Variants in ERBB4 observed in about 807,000 individuals in gnomAD.
ERBB4 encodes receptor tyrosine-protein kinase erbB-4.
A neutral mutation model predicts 158.0 loss-of-function variants in ERBB4; 42 were observed. The ratio of observed to expected loss-of-function variants is 0.27; its 90% CI spans 0.21 to 0.34. The LOEUF is 0.34. Ranked by LOEUF, ERBB4 falls within the 10% of genes least tolerant of loss-of-function variation. The pLI is 1.00. For missense variants in ERBB4, 1,333 were observed against 1,624.1 expected (o/e 0.82, Z 3.08); for synonymous variants, 583 against 558.7 (o/e 1.04, Z -0.61).
intron 1 of ERBB4, among the ~76,000 whole-genome samples, chr2:212,184,014 A>G (rs916746931): frequency 6.6e-6 from 1 of 152,150 alleles, no homozygotes; most frequent in African/African-American, 2.4e-5. Flanking sequence ...TCATTAAATC[A>G]TATTTATGAA....
chr2:211,521,009 T>C (rs2066172124), intron 20 of ERBB4, among the ~76,000 whole-genome samples: 1 of 152,114 alleles, frequency 6.6e-6, no homozygotes, highest in African/African-American at 2.4e-5. Flanking sequence ...GCTGGGGCCT[T>C]CCTATCCCCT....
intron 2 of ERBB4, among the ~76,000 whole-genome samples, chr2:211,992,208 G>A (rs1165506942): frequency 6.6e-6 from 1 of 152,108 alleles, no homozygotes; most frequent in African/African-American, 2.4e-5. Context: ...AGACTGGGAA[G>A]AAAAAGAGGT....
intron 2 of ERBB4, among the ~76,000 whole-genome samples, chr2:212,089,312 T>A (rs1002399650): frequency 6.6e-6 from 1 of 152,162 alleles, no homozygotes; most frequent in African/African-American, 2.4e-5. Flanking sequence ...CAATCAACAT[T>A]TAAACAACTT....
intron 1 of ERBB4, among the ~76,000 whole-genome samples, chr2:212,522,900 G>A (rs1480516764): frequency 1.3e-5 from 2 of 151,992 alleles, no homozygotes; most frequent in African/African-American, 4.8e-5. Context: ...AACGGGCTTG[G>A]TGCCTCCTGG....
chr2:211,624,120 T>C, intron 17 of ERBB4, 76 bp from the exon 18 acceptor site: 1 of 1,551,054 alleles, frequency 6.4e-7, no homozygotes, highest in South Asian at 1.1e-5. Context: ...TCTCTCTCTC[T>C]CTCTTTGGTT....
chr2:211,846,100 G>C (rs1157384932), intron 3 of ERBB4, among the ~76,000 whole-genome samples: 1 of 145,428 alleles, frequency 6.9e-6, no homozygotes, highest in Admixed American at 6.9e-5. Context: ...GTCCACTCTA[G>C]GAAAAAAAAA....
intron 4 of ERBB4, among the ~76,000 whole-genome samples, chr2:211,762,107 C>T (rs1051837811): frequency 6.6e-6 from 1 of 152,090 alleles, no homozygotes; most frequent in African/African-American, 2.4e-5. Context: ...TTTCTTCCAT[C>T]GCAACACATT....
At chr2:212,053,023 TCCAACAGTATACAGG>T (rs1270400388) in intron 2 of ERBB4, among the ~76,000 whole-genome samples, 1 of 152,038 alleles carries the variant, frequency 6.6e-6, no homozygotes, top group Non-Finnish European at 1.5e-5. Flanking sequence ...ATAGCTTTTC[TCCAACAGTATACAGG>T]CCAGGTGTGG....
intron 20 of ERBB4, among the ~76,000 whole-genome samples, chr2:211,482,938 T>C (rs964979014): frequency 3.3e-5 from 5 of 151,604 alleles, no homozygotes; most frequent in African/African-American, 1.2e-4. Flanking sequence ...TTTAAAAAAA[T>C]CAAAACTTAC....
Position 211,380,815 on chromosome 2 carries a change from A to C in ERBB4, c.*2800T>G, listed in dbSNP as rs1375980724. On this transcript the variant is annotated 3_prime_UTR_variant, in exon 28 of 28. Coordinates refer to ENST00000342788, the MANE Select transcript of ERBB4 (RefSeq NM_005235.3). ...AAGTCTTGTGTTCTTAGGAGGAAAG[A>C]GACATTCACTAAATACATTTCTGTT... 4.3e-6 allele frequency: 1 copy of C among 231,820 alleles called. No individual in the cohort carries two copies. The highest frequency in any genetic ancestry group is 8.5e-6 in the Non-Finnish European group (1 of 117,260). The allele number at this position is 231,820 out of a possible 1,614,324, so 14.4% of individuals were successfully genotyped here. A position where few individuals can be genotyped will look rare whatever the true frequency, so the allele number is the denominator to read the frequency against.
intron 2 of ERBB4, among the ~76,000 whole-genome samples, chr2:212,009,406 T>A (rs897302428): frequency 6.6e-6 from 1 of 151,150 alleles, no homozygotes; most frequent in African/African-American, 2.4e-5. Context: ...AAGGAACACT[T>A]GGGGGCTACT....
intron 26 of ERBB4, 49 bp downstream of exon 26, chr2:211,387,896 G>A (rs2062719602): frequency 1.4e-6 from 2 of 1,406,100 alleles, no homozygotes; most frequent in Non-Finnish European, 2.0e-6. Context: ...AACATGGTAA[G>A]CAAAGACCGA....
At chr2:212,515,660 T>A (rs188749773) in intron 1 of ERBB4, among the ~76,000 whole-genome samples, 1 of 152,088 alleles carries the variant, frequency 6.6e-6, no homozygotes, top group Non-Finnish European at 1.5e-5. Context: ...ATTCAAATTA[T>A]TCATTGATAT....
At chr2:211,594,852 C>A (rs2068584301) in intron 19 of ERBB4, among the ~76,000 whole-genome samples, 1 of 152,156 alleles carries the variant, frequency 6.6e-6, no homozygotes, top group Admixed American at 6.5e-5. Flanking sequence ...CACATTATCT[C>A]AAACTTCATG....
intron 20 of ERBB4, among the ~76,000 whole-genome samples, chr2:211,432,581 T>TAGCC (rs2063766308): frequency 6.7e-6 from 1 of 148,220 alleles, no homozygotes; most frequent in South Asian, 2.2e-4. Context: ...TGAGAACATA[T>TAGCC]AGCCCTTATA....
At chr2:212,183,585 T>C (rs1320643696) in intron 1 of ERBB4, among the ~76,000 whole-genome samples, 1 of 152,086 alleles carries the variant, frequency 6.6e-6, no homozygotes, top group Non-Finnish European at 1.5e-5. Context: ...GTAATTGTTA[T>C]CATTTTCATA....
intron 16 of ERBB4, among the ~76,000 whole-genome samples, chr2:211,653,383 G>A (rs1559383650): frequency 6.6e-6 from 1 of 152,042 alleles, no homozygotes; most frequent in Non-Finnish European, 1.5e-5. Flanking sequence ...GTAGGCTTGG[G>A]AAAGAATAAC....
chr2:211,797,560 T>C (rs1273403892), intron 3 of ERBB4, among the ~76,000 whole-genome samples: 1 of 151,962 alleles, frequency 6.6e-6, no homozygotes, highest in African/African-American at 2.4e-5. Flanking sequence ...GAAAGAATAA[T>C]GATTTACTCT....
intron 1 of ERBB4, among the ~76,000 whole-genome samples, chr2:212,241,464 C>T (rs542006563): frequency 2.0e-5 from 3 of 152,112 alleles, no homozygotes; most frequent in South Asian, 2.1e-4. Flanking sequence ...TATTAAGAAA[C>T]ATTTAACACA....
Sources: allele counts gnomAD v4.1 joint callset (sites outside exome capture counted in the v4.1 genomes callset), GRCh38; gene constraint gnomAD v4.1.1; transcripts MANE v1.5; gene names NCBI Gene and HGNC (gene_info 2026-07-23, HGNC 2026-07-21).